Variants in HSP90AA1 observed in about 807,000 individuals in gnomAD.
HSP90AA1 encodes the protein heat shock protein 90 alpha family class A member 1.
Under a neutral mutation model 73.3 loss-of-function variants are expected in HSP90AA1, and 18 were observed. The ratio of observed to expected loss-of-function variants is 0.25; its 90% CI spans 0.17 to 0.36. The LOEUF is 0.36. HSP90AA1 is among the 10% of genes least tolerant of loss of function. The probability of loss-of-function intolerance (pLI) is 1.00; values close to 1 mark genes in which losing one functional copy is unlikely to be tolerated. For missense variants in HSP90AA1, 704 were observed against 874.2 expected (o/e 0.81, Z 2.45); for synonymous variants, 477 against 296.9 (o/e 1.61, Z -6.24).
exon 1 of HSP90AA1, chr14:102,139,418 A>AGG: frequency 6.5e-7 from 1 of 1,539,282 alleles, no homozygotes; most frequent in Non-Finnish European, 8.8e-7. Flanking sequence ...CGCTCCCCGT[A>AGG]GGGTACCCCG....
At position 102,134,509 on chromosome 14, in the gene HSP90AA1, G is replaced by A. The variant is rs551418222; in HGVS notation, c.155+4741C>T. Reference sequence around the variant, plus strand: ...CGCAGTGAGTGTTACAACTCTTAAGGTGGCGCGTCTGGAGTTTGTTCCTTC... The same window carrying A: ...CGCAGTGAGTGTTACAACTCTTAAGATGGCGCGTCTGGAGTTTGTTCCTTC... On this transcript the variant is annotated intron_variant, in intron 1 of 11. Coordinates refer to the HSP90AA1 transcript ENST00000334701. Among the ~76,000 whole-genome samples the A allele has an allele frequency of 3.3e-5, 5 of 152,176 alleles. No homozygotes were observed. In the South Asian group the frequency reaches 1.0e-3, roughly 32 times the overall value.
chr14:102,118,729 T>C (rs192220607), intron 1 of HSP90AA1, among the ~76,000 whole-genome samples: 6 of 152,276 alleles, frequency 3.9e-5, no homozygotes, highest in African/African-American at 1.4e-4. Flanking sequence ...TTCTGTTCTA[T>C]ACATGCCTGT....
At chr14:102,117,359 C>T (rs1354077084) in intron 1 of HSP90AA1, among the ~76,000 whole-genome samples, 1 of 152,234 alleles carries the variant, frequency 6.6e-6, no homozygotes, top group South Asian at 2.1e-4. Flanking sequence ...CTTTTCCAGG[C>T]CCACTTATGG....
At chr14:102,085,699 G>C in intron 3 of HSP90AA1, 59 bp downstream of exon 3, 4 of 1,611,830 alleles carry the variant, frequency 2.5e-6, no homozygotes, top group Non-Finnish European at 3.4e-6. Context: ...AGGGGTCCAA[G>C]GGTTGCAGCA....
intron 1 of HSP90AA1, among the ~76,000 whole-genome samples, chr14:102,131,033 A>T (rs886770140): frequency 6.6e-6 from 1 of 152,212 alleles, no homozygotes; most frequent in Non-Finnish European, 1.5e-5. Context: ...CAGGCTTTAA[A>T]TACTACCTAT....
intron 1 of HSP90AA1, among the ~76,000 whole-genome samples, chr14:102,113,701 T>A (rs1001074377): frequency 1.4e-4 from 21 of 152,076 alleles, no homozygotes; most frequent in East Asian, 3.9e-4. Flanking sequence ...TTTATTTTTT[T>A]ATTTTTATTT....
chr14:102,114,457 A>C (rs1303859313), intron 1 of HSP90AA1, among the ~76,000 whole-genome samples: 1 of 152,212 alleles, frequency 6.6e-6, no homozygotes, highest in Non-Finnish European at 1.5e-5. Flanking sequence ...GATTCACTGC[A>C]GGGTATTCTA....
At chr14:102,131,298 A>G (rs1469821624) in intron 1 of HSP90AA1, among the ~76,000 whole-genome samples, 8 of 152,156 alleles carry the variant, frequency 5.3e-5, no homozygotes, top group Non-Finnish European at 1.2e-4. Context: ...CACAAGCCAC[A>G]TCCCATCTGC....
At chr14:102,093,199 A>AT (rs1555362598) in intron 2 of HSP90AA1, among the ~76,000 whole-genome samples, 3 of 149,266 alleles carry the variant, frequency 2.0e-5, no homozygotes, top group African/African-American at 7.3e-5. Flanking sequence ...TAAATTAAAA[A>AT]ATATATATAT....
At chr14:102,139,527 G>T in exon 1 of HSP90AA1, 1 of 1,027,438 alleles carries the variant, frequency 9.7e-7, no homozygotes, top group Non-Finnish European at 1.4e-6. Context: ...CGCTGAGGAG[G>T]CACCCTCAAG....
rs1203966118 is a variant in HSP90AA1 at position 102,096,655 on chromosome 14, CACATGGCACACAGCCATCTATGTGTG to C, written c.366+5194_366+5219del. Among the ~76,000 whole-genome samples the C allele has an allele frequency of 4.6e-5, 7 of 152,342 alleles. No homozygotes were observed. The East Asian group carries it at 1.3e-3, about 29-fold the overall frequency. On this transcript the variant is annotated intron_variant, in intron 2 of 11. Coordinates refer to the HSP90AA1 transcript ENST00000334701. ...CTGTCTTTCTCGTCTCAAGACGCAG[CACATGGCACACAGCCATCTATGTGTG>C]CTGAATGGATAACTGAATTGCTTTC... is the stretch of plus-strand genomic sequence containing the variant.
Position 102,083,092 on chromosome 14 carries a change from G to C in HSP90AA1, c.1697C>G (p.Thr566Arg). ...GATTTTGCAGAGGTTCTCAAACTTT[G>C]TTTTTTTCTCTTCCTGCTTCTTTTT... Reference protein sequence around the residue: ...EEKKKQEEKKTKFENLCKIMK... With the variant: ...EEKKKQEEKKRKFENLCKIMK... Residue 566 changes from threonine (T) to arginine (R), a missense_variant, in exon 9 of 11, where the codon ACA becomes AGA. Thr to Arg is a moderately conservative substitution (Grantham distance 71). Transcript: ENST00000216281. The C allele has an allele frequency of 6.2e-7, 1 of 1,613,692 alleles. No homozygotes were observed. Among genetic ancestry groups the C allele is most frequent in the Non-Finnish European group, 8.5e-7 (1 of 1,179,718 alleles).
chr14:102,132,422 C>G (rs576596141), intron 1 of HSP90AA1, among the ~76,000 whole-genome samples: 1 of 152,180 alleles, frequency 6.6e-6, no homozygotes, highest in East Asian at 1.9e-4. Flanking sequence ...TGGTACGTTC[C>G]TGTAGTCCCA....
At chr14:102,117,714 C>T (rs190860221) in intron 1 of HSP90AA1, among the ~76,000 whole-genome samples, 218 of 152,274 alleles carry the variant, frequency 1.4e-3, no homozygotes, top group African/African-American at 4.7e-3. Flanking sequence ...CACCGAATGG[C>T]GAAACTAAAA....
chr14:102,130,581 A>G (rs2049896550), intron 1 of HSP90AA1, among the ~76,000 whole-genome samples: 1 of 152,244 alleles, frequency 6.6e-6, no homozygotes, highest in Middle Eastern at 3.4e-3. Context: ...CATTTGTGTA[A>G]CTTTGCAGAA....
intron 1 of HSP90AA1, among the ~76,000 whole-genome samples, chr14:102,106,867 A>G (rs2049576072): frequency 6.6e-6 from 1 of 151,976 alleles, no homozygotes; most frequent in East Asian, 1.9e-4. Context: ...TTTTGAGAGG[A>G]TGGGCAAAAT....
At chr14:102,136,567 C>CAAA (rs1165638280) in intron 1 of HSP90AA1, among the ~76,000 whole-genome samples, 727 of 52,914 alleles carry the variant, frequency 0.014, 41 homozygotes, top group East Asian at 0.041. Flanking sequence ...AGACTCGTCT[C>CAAA]AAAAAAAAAA....
chr14:102,131,224 G>A (rs1566737485), intron 1 of HSP90AA1, among the ~76,000 whole-genome samples: 1 of 152,132 alleles, frequency 6.6e-6, no homozygotes, highest in African/African-American at 2.4e-5. Context: ...CTCTGTTAAT[G>A]GCATTTCCAT....
At chr14:102,118,854 CTTT>C (rs11298881) in intron 1 of HSP90AA1, among the ~76,000 whole-genome samples, 25 of 107,120 alleles carry the variant, frequency 2.3e-4, no homozygotes, top group Non-Finnish European at 3.6e-4. Context: ...CTTTTCCTTC[CTTT>C]TTTTTTTTTT....
Sources: gnomAD v4.1 joint callset for allele counts (sites outside exome capture counted in the v4.1 genomes callset) on GRCh38, gnomAD v4.1.1 for gene constraint, MANE v1.5 for transcripts, NCBI Gene and HGNC (gene_info 2026-07-23, HGNC 2026-07-21) for gene names.